Variants in COMMD10 observed in about 807,000 individuals in gnomAD.
COMMD10 encodes the protein COMM domain containing 10.
Under a neutral mutation model 28.9 loss-of-function variants are expected in COMMD10, and 33 were observed. That is an observed-to-expected ratio of 1.14 (90% confidence interval 0.87 to 1.53). The LOEUF is 1.53. Ranked by LOEUF, COMMD10 falls within the 40% of genes most tolerant of loss-of-function variation. The pLI, the probability that COMMD10 is intolerant of heterozygous loss-of-function variation, is 0.00. For missense variants in COMMD10, 310 were observed against 233.4 expected (o/e 1.33, Z -2.14); for synonymous variants, 110 against 81.7 (o/e 1.35, Z -1.87).
chr5:116,148,173 C>G (rs189687032), intron 5 of COMMD10, among the ~76,000 whole-genome samples: 2 of 151,738 alleles, frequency 1.3e-5, no homozygotes, highest in East Asian at 3.9e-4. Context: ...CATGTAAATT[C>G]TGTTGGAATT....
chr5:116,257,679 G>T (rs1304097238), intron 5 of COMMD10, among the ~76,000 whole-genome samples: 1 of 151,524 alleles, frequency 6.6e-6, no homozygotes, highest in Non-Finnish European at 1.5e-5. Flanking sequence ...CATTTAAGGC[G>T]ATCAGCTCTT....
intron 4 of COMMD10, among the ~76,000 whole-genome samples, chr5:116,128,034 A>G (rs925131612): frequency 6.6e-6 from 1 of 152,092 alleles, no homozygotes; most frequent in African/African-American, 2.4e-5. Flanking sequence ...TTCGCAGCAT[A>G]AAAAGTATTC....
intron 5 of COMMD10, among the ~76,000 whole-genome samples, chr5:116,261,654 T>C (rs546742732): frequency 6.6e-6 from 1 of 151,866 alleles, no homozygotes; most frequent in African/African-American, 2.4e-5. Context: ...GTTGTCCTTA[T>C]TTTGCATATT....
intron 4 of COMMD10, among the ~76,000 whole-genome samples, chr5:116,101,281 T>A (rs1750649690): frequency 6.6e-6 from 1 of 152,204 alleles, no homozygotes; most frequent in South Asian, 2.1e-4. Flanking sequence ...CTAGATTGAA[T>A]GTTAGTTCTA....
chr5:116,261,888 C>A (rs1561397902), intron 5 of COMMD10, among the ~76,000 whole-genome samples: 1 of 151,678 alleles, frequency 6.6e-6, no homozygotes, highest in African/African-American at 2.4e-5. Context: ...AATATTTTTT[C>A]CCTTTAGTTT....
Position 116,123,196 on chromosome 5 carries a change from A to G in COMMD10, c.400-10872A>G, listed in dbSNP as rs935008587. Among the ~76,000 whole-genome samples, 2 of 152,106 alleles carry G rather than the reference A, an allele frequency of 1.3e-5. 1 individual carries two copies. The highest frequency in any genetic ancestry group is 4.1e-4 in the South Asian group (2 of 4,826). On this transcript the variant is annotated intron_variant, in intron 4 of 6. Transcript: ENST00000274458. The stretch of plus-strand genomic sequence containing the variant: ...CATCAATACCTAGTTTATTCCAACA[A>G]AAGCCAATGGAAACTAATACAAATG...
In COMMD10 at chr5:116,197,069, C is replaced by A. The variant is rs1748543060; in HGVS notation, c.510+62891C>A. On this transcript the variant is annotated intron_variant, in intron 5 of 6. Coordinates refer to ENST00000274458, the MANE Select transcript of COMMD10 (RefSeq NM_016144.4). ...AATCAAGAAACTTTAGTGTTTCTGT[C>A]CGTTAAATATTTAAAATATTTTATT... Among the ~76,000 whole-genome samples, 3 of 151,018 alleles carry A rather than the reference C, an allele frequency of 2.0e-5. No homozygotes were observed. In the South Asian group the frequency reaches 6.2e-4, roughly 31 times the overall value.
chr5:116,131,988 T>G (rs1041634546), intron 4 of COMMD10, among the ~76,000 whole-genome samples: 1 of 151,936 alleles, frequency 6.6e-6, no homozygotes, highest in African/African-American at 2.4e-5. Flanking sequence ...AGGGGTTTTG[T>G]ATATAGAGTT....
intron 5 of COMMD10, among the ~76,000 whole-genome samples, chr5:116,237,535 C>T (rs935425333): frequency 3.3e-5 from 5 of 151,764 alleles, no homozygotes; most frequent in Admixed American, 6.6e-5. Context: ...AATTGCCAAG[C>T]GCAATGGCAC....
intron 5 of COMMD10, among the ~76,000 whole-genome samples, chr5:116,153,422 G>C (rs1752601824): frequency 6.6e-6 from 1 of 152,034 alleles, no homozygotes; most frequent in Admixed American, 6.6e-5. Context: ...TTGAATTCTA[G>C]TCAGCCTGGA....
chr5:116,153,195 G>T (rs559483827), intron 5 of COMMD10, among the ~76,000 whole-genome samples: 1 of 152,186 alleles, frequency 6.6e-6, no homozygotes, highest in South Asian at 2.1e-4. Context: ...TAAGATACAG[G>T]ATAAGTTTAA....
At chr5:116,277,107 G>T (rs1449190998) in intron 5 of COMMD10, among the ~76,000 whole-genome samples, 2 of 151,632 alleles carry the variant, frequency 1.3e-5, no homozygotes, top group African/African-American at 2.4e-5. Context: ...ACTAAGTTAT[G>T]AAAAAAACCC....
intron 4 of COMMD10, among the ~76,000 whole-genome samples, chr5:116,126,963 G>C (rs1580468331): frequency 6.6e-6 from 1 of 152,184 alleles, no homozygotes; most frequent in African/African-American, 2.4e-5. Context: ...CACAGCAAAA[G>C]AAACTACCAT....
chr5:116,126,833 C>T (rs987164556), intron 4 of COMMD10, among the ~76,000 whole-genome samples: 2 of 152,136 alleles, frequency 1.3e-5, no homozygotes, highest in African/African-American at 4.8e-5. Context: ...TAGGAGGAAA[C>T]CTAGGCAATA....
intron 4 of COMMD10, among the ~76,000 whole-genome samples, chr5:116,114,039 G>C (rs919739159): frequency 1.9e-4 from 29 of 152,080 alleles, no homozygotes; most frequent in Non-Finnish European, 2.2e-4. Context: ...GATATTCTTG[G>C]CTATAAATAT....
intron 5 of COMMD10, among the ~76,000 whole-genome samples, chr5:116,143,106 CTT>C (rs1162103839): frequency 7.6e-6 from 1 of 130,792 alleles, no homozygotes; most frequent in Non-Finnish European, 1.6e-5. Context: ...GTCAACATGA[CTT>C]TTTAAAAGAC....
intron 5 of COMMD10, among the ~76,000 whole-genome samples, chr5:116,224,557 G>C (rs892182493): frequency 8.5e-5 from 13 of 152,124 alleles, no homozygotes; most frequent in Non-Finnish European, 1.9e-4. Flanking sequence ...AGGGAACAAG[G>C]GTCCGGGGCC....
At chr5:116,139,782 A>G (rs1752137340) in intron 5 of COMMD10, among the ~76,000 whole-genome samples, 1 of 151,706 alleles carries the variant, frequency 6.6e-6, no homozygotes, top group African/African-American at 2.4e-5. Flanking sequence ...GTATATATTT[A>G]AGGTATACGG....
intron 5 of COMMD10, among the ~76,000 whole-genome samples, chr5:116,254,239 A>C (rs1750210962): frequency 6.6e-6 from 1 of 152,006 alleles, no homozygotes; most frequent in South Asian, 2.1e-4. Context: ...TGATCCTTTC[A>C]AAAAACCAGT....
Sources: gnomAD v4.1 joint callset for allele counts (sites outside exome capture counted in the v4.1 genomes callset) on GRCh38, gnomAD v4.1.1 for gene constraint, MANE v1.5 for transcripts, NCBI Gene and HGNC (gene_info 2026-07-23, HGNC 2026-07-21) for gene names.